UGT1A10: variants seen among roughly 807,000 people sequenced by gnomAD.
UGT1A10 encodes UDP glucuronosyltransferase family 1 member A10.
Under a neutral mutation model 45.8 loss-of-function variants are expected in UGT1A10, and 49 were observed. The observed-to-expected ratio is 1.07, with a 90% CI of 0.85 to 1.36. The LOEUF is 1.36. Ranked by LOEUF, UGT1A10 falls within the 40% of genes most tolerant of loss-of-function variation. The pLI, the probability that UGT1A10 is intolerant of heterozygous loss-of-function variation, is 0.00. For missense variants in UGT1A10, 745 were observed against 668.6 expected (o/e 1.11, Z -1.26); for synonymous variants, 284 against 249.7 (o/e 1.14, Z -1.29).
intron 1 of UGT1A10, among the ~76,000 whole-genome samples, 200 bp downstream of exon 1, chr2:233,637,577 T>C (rs988980036): frequency 3.3e-5 from 5 of 152,220 alleles, no homozygotes; most frequent in African/African-American, 1.2e-4. Flanking sequence ...GTATATGTAA[T>C]AATTTAAAAA....
At chr2:233,766,958 T>C in intron 1 of UGT1A10, 76 bp from the exon 2 acceptor site, 1 of 1,605,414 alleles carries the variant, frequency 6.2e-7, no homozygotes, top group Non-Finnish European at 8.5e-7. Context: ...GGAAGATATC[T>C]AATTCATAAC....
intron 1 of UGT1A10, chr2:233,729,470 C>T (rs746048603): frequency 1.9e-6 from 3 of 1,614,122 alleles, no homozygotes; most frequent in Admixed American, 1.7e-5. Flanking sequence ...AGAAGTATGG[C>T]AATGTTGAAC....
At position 233,724,416 on chromosome 2, in the gene UGT1A10, G is replaced by A. The variant is rs1457197643; in HGVS notation, c.856-42618G>A. 2.3e-4 allele frequency among the ~76,000 whole-genome samples: 32 copies of A among 137,862 alleles called. 2 individuals are homozygous for A. The highest frequency in any genetic ancestry group is 1.2e-3 in the East Asian group (5 of 4,238). 90.4% of individuals were successfully genotyped at this position (137,862 alleles called of 152,430 possible). A position where few individuals can be genotyped will look rare whatever the true frequency, so the allele number is the denominator to read the frequency against. ...TCACTTCCCAGATGGGGTGGCTGCC[G>A]GGCGGAGAGGCTCCTCACTTCTCAG... On this transcript the variant is annotated intron_variant, in intron 1 of 4. Coordinates refer to ENST00000344644, the MANE Select transcript of UGT1A10 (RefSeq NM_019075.4).
chr2:233,719,175 A>C, intron 1 of UGT1A10: 7 of 1,614,246 alleles, frequency 4.3e-6, no homozygotes, highest in Non-Finnish European at 5.1e-6. Flanking sequence ...AATTATGAAC[A>C]ATGTATCTTT....
At chr2:233,676,520 A>G (rs757649289) in intron 1 of UGT1A10, among the ~76,000 whole-genome samples, 2 of 152,168 alleles carry the variant, frequency 1.3e-5, no homozygotes, top group African/African-American at 2.4e-5. Context: ...TTTCCTTCAG[A>G]TTTCATTAAT....
At chr2:233,741,369 G>A (rs190389633) in intron 1 of UGT1A10, among the ~76,000 whole-genome samples, 1 of 151,798 alleles carries the variant, frequency 6.6e-6, no homozygotes, top group East Asian at 1.9e-4. Context: ...CAATGAAACT[G>A]CCCATGCCTT....
intron 1 of UGT1A10, among the ~76,000 whole-genome samples, chr2:233,724,647 T>G (rs1247687172): frequency 2.2e-5 from 3 of 137,376 alleles, no homozygotes; most frequent in East Asian, 2.4e-4. Flanking sequence ...TGATGGCGGC[T>G]GGGAAGAGGC....
chr2:233,691,111 G>A (rs1254246135), intron 1 of UGT1A10: 1 of 985,788 alleles, frequency 1.0e-6, no homozygotes, highest in Non-Finnish European at 1.2e-6. Context: ...ATTCCTACAT[G>A]CTTGCTTAAG....
chr2:233,722,521 T>G, intron 1 of UGT1A10, among the ~76,000 whole-genome samples: 1 of 152,232 alleles, frequency 6.6e-6, no homozygotes, highest in East Asian at 1.9e-4. Context: ...AGCTTATTTT[T>G]GCCTTAATGA....
intron 1 of UGT1A10, among the ~76,000 whole-genome samples, chr2:233,720,300 G>A (rs2076846492): frequency 6.6e-6 from 1 of 152,266 alleles, no homozygotes. Context: ...GGAGTTGGGG[G>A]TCTGGTGTAT....
chr2:233,743,051 C>T, intron 1 of UGT1A10: 1 of 319,368 alleles, frequency 3.1e-6, no homozygotes, highest in Non-Finnish European at 6.1e-6. Context: ...CGTGTAGTCC[C>T]AACGATAAGA....
At chr2:233,717,118 A>C (rs1390690022) in intron 1 of UGT1A10, among the ~76,000 whole-genome samples, 1 of 152,100 alleles carries the variant, frequency 6.6e-6, no homozygotes, top group Non-Finnish European at 1.5e-5. Context: ...ACACCACTAC[A>C]TGGAAATAGA....
intron 1 of UGT1A10, among the ~76,000 whole-genome samples, chr2:233,683,018 A>G (rs1222947231): frequency 6.6e-6 from 1 of 152,170 alleles, no homozygotes; most frequent in Non-Finnish European, 1.5e-5. Context: ...GATCATATCT[A>G]GGCTGCAATC....
intron 1 of UGT1A10, chr2:233,690,380 C>G (rs188057547): frequency 1.0e-6 from 1 of 988,434 alleles, no homozygotes; most frequent in Admixed American, 2.7e-5. Flanking sequence ...ATAGGGTCCA[C>G]GTTTCCAGAC....
intron 1 of UGT1A10, among the ~76,000 whole-genome samples, chr2:233,765,843 C>T (rs546022798): frequency 6.6e-6 from 1 of 151,968 alleles, no homozygotes; most frequent in Admixed American, 6.6e-5. Flanking sequence ...TTTCCTTGTC[C>T]CCCTCACAGA....
chr2:233,690,702 A>G (rs1375778126), intron 1 of UGT1A10: 1 of 1,231,324 alleles, frequency 8.1e-7, no homozygotes, highest in Non-Finnish European at 1.0e-6. Context: ...CTCTTTAGGG[A>G]TCGTCATTAT....
rs2125545713 is a variant in UGT1A10, at chr2:233,690,623, A to G, written c.855+53246A>G. On this transcript the variant is annotated intron_variant, in intron 1 of 4. Coordinates refer to ENST00000344644, the MANE Select transcript of UGT1A10 (RefSeq NM_019075.4). The stretch of plus-strand genomic sequence containing the variant: ...AAATCGGCCTTTGCCTGGACACTCA[A>G]GTGATACCTGAGGACACCTTGACTC... 2.3e-6 allele frequency: 3 copies of G among 1,289,032 alleles called. No individual in the cohort carries two copies. The South Asian group carries it at 3.7e-5, about 16-fold the overall frequency. 79.8% of individuals were successfully genotyped at this position (1,289,032 alleles called of 1,614,324 possible). A position where few individuals can be genotyped will look rare whatever the true frequency, so the allele number is the denominator to read the frequency against.
chr2:233,768,128 C>A, intron 3 of UGT1A10, 92 bp from the exon 4 acceptor site: 1 of 1,605,472 alleles, frequency 6.2e-7, no homozygotes, highest in Non-Finnish European at 8.5e-7. Context: ...GTGAGTAACA[C>A]TGAGTCTTTG....
At chr2:233,640,900 A>C (rs1222068971) in intron 1 of UGT1A10, among the ~76,000 whole-genome samples, 1 of 152,162 alleles carries the variant, frequency 6.6e-6, no homozygotes, top group Non-Finnish European at 1.5e-5. Flanking sequence ...GGCTGGCAGG[A>C]CCAGGGGAAA....
Sources: allele counts gnomAD v4.1 joint callset (sites outside exome capture counted in the v4.1 genomes callset), GRCh38; gene constraint gnomAD v4.1.1; transcripts MANE v1.5; gene names NCBI Gene and HGNC (gene_info 2026-07-23, HGNC 2026-07-21).